Variants in INTS4 observed in about 807,000 individuals in gnomAD.
INTS4 encodes the protein integrator complex subunit 4, also known as MSTP093.
Under a neutral mutation model 119.5 loss-of-function variants are expected in INTS4, and 70 were observed. That is an observed-to-expected ratio of 0.59 (90% CI 0.48 to 0.71). INTS4 has a LOEUF of 0.71. INTS4 is among the 30% of genes least tolerant of loss of function. The pLI is 0.00. For synonymous variants in INTS4, 316 were observed against 419.6 expected (o/e 0.75, Z 3.02); for missense variants, 867 against 1,173.2 (o/e 0.74, Z 3.81).
At position 77,879,091 on chromosome 11, in the gene INTS4, T is replaced by G. The variant is rs1270189926; in HGVS notation, c.2750A>C (p.Tyr917Ser). 1 of 1,614,166 alleles carries G rather than the reference T, an allele frequency of 6.2e-7. No homozygotes were observed. Among genetic ancestry groups the G allele is most frequent in the Non-Finnish European group, 8.5e-7 (1 of 1,180,020 alleles). Residue 917 changes from tyrosine to serine, a missense_variant, in exon 23 of 23, where the codon TAC becomes TCC. Coordinates refer to ENST00000534064, the MANE Select transcript of INTS4 (RefSeq NM_033547.4). ...CQVEVRLLLAYNSSARIPKCP... is the reference protein window; with the variant it reads ...CQVEVRLLLASNSSARIPKCP... Reference sequence around the variant, plus strand: ...TTTTGGAATGCGAGCACTGGAGTTGTAGGCCAGCAGCAGCCTCACTTCCAC... The same window carrying G: ...TTTTGGAATGCGAGCACTGGAGTTGGAGGCCAGCAGCAGCCTCACTTCCAC...
intron 8 of INTS4, among the ~76,000 whole-genome samples, chr11:77,951,867 A>G (rs1418024673): frequency 6.6e-6 from 1 of 152,242 alleles, no homozygotes; most frequent in Admixed American, 6.5e-5. Flanking sequence ...ATGAGCAGAC[A>G]CTTCTCAAAA....
intron 10 of INTS4, 62 bp from the exon 11 acceptor site, chr11:77,928,609 C>T: frequency 1.3e-6 from 2 of 1,539,424 alleles, no homozygotes; most frequent in Admixed American, 2.0e-5. Flanking sequence ...CGCCTGTAAT[C>T]CCAGCACTTT....
intron 8 of INTS4, among the ~76,000 whole-genome samples, chr11:77,943,192 G>A (rs574729760): frequency 1.3e-5 from 2 of 152,008 alleles, no homozygotes; most frequent in South Asian, 2.1e-4. Flanking sequence ...CTGCGCGCTC[G>A]TCCAACACAG....
intron 10 of INTS4, among the ~76,000 whole-genome samples, chr11:77,937,563 G>C (rs1170414882): frequency 2.0e-5 from 3 of 152,032 alleles, no homozygotes; most frequent in Non-Finnish European, 2.9e-5. Flanking sequence ...GGACAATATA[G>C]GGAGGCCCTG....
intron 8 of INTS4, among the ~76,000 whole-genome samples, chr11:77,954,702 T>C (rs867105275): frequency 6.6e-6 from 1 of 152,152 alleles, no homozygotes; most frequent in African/African-American, 2.4e-5. Flanking sequence ...CAGTTCACAA[T>C]AGGGTTCACA....
intron 21 of INTS4, among the ~76,000 whole-genome samples, chr11:77,888,161 T>C (rs1000404813): frequency 3.3e-5 from 5 of 152,252 alleles, no homozygotes; most frequent in Non-Finnish European, 7.3e-5. Context: ...TCATGCTACC[T>C]GACTTCAAAC....
chr11:77,991,273 T>A lies in INTS4; in HGVS notation c.81A>T (p.Lys27Asn). ...VQPQEEIATK[K>N]LRLTKPSKSA... The stretch of plus-strand genomic sequence containing the variant: ...ATTTACTTGGTTTTGTTAGTCGGAG[T>A]TTCTTAGTAGCAATTTCCTCCTGTG... The change falls in exon 2 of 23, where the codon AAA (lysine) becomes AAT (asparagine). Residue 27 changes from lysine (K) to asparagine (N), a missense_variant. Around this residue, in one of 5 missense-constraint regions of INTS4, gnomAD observed 224 missense variants for 231.8 expected, o/e 0.97. Coordinates refer to ENST00000534064, the MANE Select transcript of INTS4 (RefSeq NM_033547.4). 6.2e-7 allele frequency: 1 copy of A among 1,613,698 alleles called. No individual in the cohort carries two copies. Among genetic ancestry groups the A allele is most frequent in the Non-Finnish European group, 8.5e-7 (1 of 1,179,676 alleles).
At chr11:77,912,832 T>C (rs1446769033) in intron 15 of INTS4, among the ~76,000 whole-genome samples, 4 of 152,226 alleles carry the variant, frequency 2.6e-5, no homozygotes, top group Non-Finnish European at 5.9e-5. Context: ...ATAGGTGCTC[T>C]ACCTAAAAGA....
intron 15 of INTS4, among the ~76,000 whole-genome samples, chr11:77,915,524 T>C (rs913534039): frequency 2.0e-5 from 3 of 152,136 alleles, no homozygotes; most frequent in Non-Finnish European, 4.4e-5. Flanking sequence ...CCCCACGACC[T>C]GTCCAGCCCA....
chr11:77,945,553 A>G (rs1290488895), intron 8 of INTS4, among the ~76,000 whole-genome samples: 2 of 152,234 alleles, frequency 1.3e-5, no homozygotes, highest in Admixed American at 6.5e-5. Flanking sequence ...TCAGCATCAG[A>G]CCCCACATAG....
At chr11:77,890,665 A>G (rs926735820) in intron 21 of INTS4, among the ~76,000 whole-genome samples, 1 of 152,200 alleles carries the variant, frequency 6.6e-6, no homozygotes, top group Non-Finnish European at 1.5e-5. Context: ...CCCGAGAGGA[A>G]GAACTGTGAC....
At chr11:77,956,943 C>CT (rs1366123559) in intron 7 of INTS4, among the ~76,000 whole-genome samples, 1 of 151,394 alleles carries the variant, frequency 6.6e-6, no homozygotes, top group Non-Finnish European at 1.5e-5. Context: ...GCAAATTATG[C>CT]TTTTTTTTGA....
chr11:77,911,218 C>A lies in INTS4; in HGVS notation c.1923-3408G>T. 4 of 1,054,206 alleles carry A rather than the reference C, an allele frequency of 3.8e-6. No homozygotes were observed. In the South Asian group the frequency reaches 8.5e-5, roughly 22 times the overall value. The allele number at this position is 1,054,206 out of a possible 1,614,324, so 65.3% of individuals were successfully genotyped here. On this transcript the variant is annotated intron_variant, in intron 15 of 22. Coordinates refer to ENST00000534064, the MANE Select transcript of INTS4 (RefSeq NM_033547.4). ...AAGAATTAATGTATGATATATATCACTTCTTATTCGTTTGGGTTGCTTGAA... is the reference window on the plus strand; with the variant it reads ...AAGAATTAATGTATGATATATATCAATTCTTATTCGTTTGGGTTGCTTGAA...
intron 4 of INTS4, 67 bp from the exon 5 acceptor site, chr11:77,961,205 C>T: frequency 7.0e-7 from 1 of 1,432,982 alleles, no homozygotes. Flanking sequence ...GATATCTTAA[C>T]AAACACAGAC....
chr11:77,919,794 T>C (rs1953295107), intron 14 of INTS4, among the ~76,000 whole-genome samples: 1 of 152,194 alleles, frequency 6.6e-6, no homozygotes, highest in African/African-American at 2.4e-5. Context: ...ATTTCACTTT[T>C]CATTTTGTAT....
intron 17 of INTS4, among the ~76,000 whole-genome samples, chr11:77,902,192 C>G (rs1952799467): frequency 3.9e-5 from 6 of 152,144 alleles, no homozygotes; most frequent in Admixed American, 3.9e-4. Flanking sequence ...GGCAATAAGA[C>G]AAGTTAAATT....
At chr11:77,942,970 T>C (rs1385064771) in intron 8 of INTS4, among the ~76,000 whole-genome samples, 5 of 152,334 alleles carry the variant, frequency 3.3e-5, no homozygotes, top group South Asian at 2.1e-4. Context: ...TTTTGTTACA[T>C]AGATCTGAGC....
intron 15 of INTS4, among the ~76,000 whole-genome samples, chr11:77,913,172 G>A (rs900342092): frequency 2.6e-5 from 4 of 152,138 alleles, no homozygotes; most frequent in Non-Finnish European, 4.4e-5. Context: ...ACAAATGACT[G>A]CAGCATTCCT....
At chr11:77,906,982 T>A (rs1185848839) in intron 16 of INTS4, among the ~76,000 whole-genome samples, 1 of 152,254 alleles carries the variant, frequency 6.6e-6, no homozygotes, top group Non-Finnish European at 1.5e-5. Context: ...GTACCAATTC[T>A]GTGTATAGCT....
Sources: allele counts gnomAD v4.1 joint callset (sites outside exome capture counted in the v4.1 genomes callset), GRCh38; gene constraint gnomAD v4.1.1; regional missense constraint gnomAD v4.1.1; transcripts MANE v1.5; gene names NCBI Gene and HGNC (gene_info 2026-07-23, HGNC 2026-07-21).